The following SLC43A2 variants were observed in gnomAD, a reference collection of about 807,000 sequenced individuals.
The protein encoded by SLC43A2 is large neutral amino acids transporter small subunit 4.
SLC43A2 carries 38 observed loss-of-function variants against 63.2 expected under a neutral mutation model. That is an observed-to-expected ratio of 0.60 (90% CI 0.46 to 0.79). The LOEUF is 0.79. SLC43A2 is among the 30% of genes least tolerant of loss of function. The probability of loss-of-function intolerance (pLI) is 0.00; values close to 1 mark genes in which losing one functional copy is unlikely to be tolerated. For missense variants in SLC43A2, 644 were observed against 756.2 expected (o/e 0.85, Z 1.74); for synonymous variants, 322 against 331.0 (o/e 0.97, Z 0.30).
At position 1,599,998 on chromosome 17, in the gene SLC43A2, T is replaced by C. The variant is rs1466971965; in HGVS notation, c.502-6719A>G. On this transcript the variant is annotated intron_variant, in intron 5 of 13. Transcript: ENST00000301335. ...GGCAGAGCTTGCAGTGAGCTGAGAT[T>C]GCGCCACTGCACTCCAGCCTGGGTG... Among the ~76,000 whole-genome samples, 6 of 145,848 alleles carry C rather than the reference T, an allele frequency of 4.1e-5. No individual in the cohort carries two copies. The South Asian group carries it at 8.8e-4, about 21-fold the overall frequency.
Position 1,605,057 on chromosome 17 carries a change from T to A in SLC43A2, c.501+8138A>T. The A allele has an allele frequency of 7.1e-7, 1 of 1,402,882 alleles. No homozygotes were observed. The highest frequency in any genetic ancestry group is 9.3e-7 in the Non-Finnish European group (1 of 1,078,378). 86.9% of individuals were successfully genotyped at this position (1,402,882 alleles called of 1,614,324 possible). On this transcript the variant is annotated intron_variant, in intron 5 of 13. Transcript: ENST00000301335. This position sits in a 1 kb window ranked among gnomAD's most constrained non-coding sequence, Gnocchi z 4.9. Reference sequence around the variant, plus strand: ...GCTGCCAAGCAGGAAGCCGGAGCTGTTTCCTGACTCACCACCACACTCACA... The same window carrying A: ...GCTGCCAAGCAGGAAGCCGGAGCTGATTCCTGACTCACCACCACACTCACA...
rs186668252 is a variant in SLC43A2 at position 1,606,786 on chromosome 17, C to T, written c.501+6409G>A. ...TGCCCCCATGGAGTGACCTGGCGTC[C>T]GCCCTCCACGGATGGCACGCGATGG... On this transcript the variant is annotated intron_variant, in intron 5 of 13. Coordinates refer to ENST00000301335, the MANE Select transcript of SLC43A2 (RefSeq NM_152346.3). The surrounding 1 kb of genome is among the most constrained non-coding windows in gnomAD (Gnocchi z 4.7). Among the ~76,000 whole-genome samples the T allele has an allele frequency of 4.2e-3, 647 of 152,384 alleles. 4 individuals carry two copies. Among genetic ancestry groups the T allele is most frequent in the African/African-American group, 0.015 (617 of 41,592 alleles).
intron 5 of SLC43A2, among the ~76,000 whole-genome samples, chr17:1,599,074 C>T (rs945839803): frequency 1.3e-5 from 2 of 152,190 alleles, no homozygotes; most frequent in South Asian, 2.1e-4. Flanking sequence ...CTGGGCTGGG[C>T]GCGGTGGCTC....
chr17:1,581,218 ACACG>A (rs796359634), intron 11 of SLC43A2, among the ~76,000 whole-genome samples: 1 of 151,976 alleles, frequency 6.6e-6, no homozygotes, highest in Admixed American at 6.6e-5. Context: ...ACACACACAC[ACACG>A]CACGCTGTGC....
At chr17:1,623,264 C>A (rs1050989283) in intron 2 of SLC43A2, among the ~76,000 whole-genome samples, 13 of 152,198 alleles carry the variant, frequency 8.5e-5, no homozygotes, top group African/African-American at 3.1e-4. Flanking sequence ...TGTGCCAGGG[C>A]GAGCTCGCAG....
intron 3 of SLC43A2, among the ~76,000 whole-genome samples, chr17:1,615,879 T>TAA (rs1567644881): frequency 4.3e-4 from 30 of 69,012 alleles, no homozygotes; most frequent in East Asian, 1.7e-3. Context: ...TAAATAAATA[T>TAA]GAAAAATATA....
At chr17:1,623,089 A>G (rs1271138187) in intron 2 of SLC43A2, among the ~76,000 whole-genome samples, 2 of 152,000 alleles carry the variant, frequency 1.3e-5, no homozygotes, top group East Asian at 3.9e-4. Flanking sequence ...CTGGGCGACA[A>G]GAGTGAAACT....
intron 5 of SLC43A2, among the ~76,000 whole-genome samples, chr17:1,600,135 A>AATATATATATATATATATATATATAT (rs546467041): frequency 7.9e-4 from 38 of 47,890 alleles, no homozygotes; most frequent in East Asian, 2.7e-3. Flanking sequence ...ATATTAATTG[A>AATATATATATATATATATATATATAT]ATATATATAT....
chr17:1,594,103 GC>G (rs1257490193), intron 5 of SLC43A2, among the ~76,000 whole-genome samples: 1 of 152,196 alleles, frequency 6.6e-6, no homozygotes, highest in African/African-American at 2.4e-5. Flanking sequence ...GGGACTACAG[GC>G]GTGAGCCACC....
At chr17:1,608,169 G>A (rs1431272887) in intron 5 of SLC43A2, among the ~76,000 whole-genome samples, 1 of 152,136 alleles carries the variant, frequency 6.6e-6, no homozygotes. Flanking sequence ...CAGTGGTCTG[G>A]ATTTGGCCTG....
chr17:1,575,630 A>G lies in SLC43A2; in HGVS notation c.1684T>C (p.Ser562Pro). The G allele has an allele frequency of 6.2e-7, 1 of 1,614,122 alleles. No individual in the cohort carries two copies. Among genetic ancestry groups the G allele is most frequent in the Non-Finnish European group, 8.5e-7 (1 of 1,179,998 alleles). ...DDKLFLKING[S>P]SNQEAFV is the part of the protein sequence containing the mutation. Reference sequence around the variant, plus strand: ...TACACGAAGGCCTCCTGGTTGGACGAGCCGTTGATTTTGAGGAAGAGTTTG... The same window carrying G: ...TACACGAAGGCCTCCTGGTTGGACGGGCCGTTGATTTTGAGGAAGAGTTTG... Residue 562 changes from serine to proline, a missense_variant, in exon 14 of 14, where the codon TCG becomes CCG. Coordinates refer to ENST00000301335, the MANE Select transcript of SLC43A2 (RefSeq NM_152346.3).
chr17:1,600,031 A>G (rs1358167198), intron 5 of SLC43A2, among the ~76,000 whole-genome samples: 6 of 145,370 alleles, frequency 4.1e-5, no homozygotes, highest in South Asian at 4.4e-4. Context: ...GTGACAGAGC[A>G]AGACTCCGTC....
intron 2 of SLC43A2, among the ~76,000 whole-genome samples, chr17:1,618,426 A>G (rs968067479): frequency 6.6e-6 from 1 of 152,234 alleles, no homozygotes; most frequent in South Asian, 2.1e-4. Context: ...ATGAATAGCT[A>G]CAAGTTGCTG....
rs368311425 is a variant in SLC43A2 at position 1,575,665 on chromosome 17, T to C, written c.1649A>G (p.Gln550Arg). The C allele has an allele frequency of 8.7e-6, 14 of 1,613,896 alleles. No homozygotes were observed. Among genetic ancestry groups the C allele is most frequent in the Non-Finnish European group, 1.2e-5 (14 of 1,180,010 alleles). ...TTTGAGGAAGAGTTTGTCATCCTCC[T>C]GCCTCTGCTGCAGCTGCCGCTCCAG... ...RQLERQLQQR[Q>R]EDDKLFLKIN... The change falls in exon 14 of 14, where the codon CAG becomes CGG. Residue 550 changes from glutamine to arginine, a missense_variant. This residue lies in a region of SLC43A2 where 105 missense variants were observed against 101.7 expected (regional missense o/e 1.03). Coordinates refer to ENST00000301335, the MANE Select transcript of SLC43A2 (RefSeq NM_152346.3).
chr17:1,578,378 G>T lies in SLC43A2; in HGVS notation c.1351-55C>A. The T allele has an allele frequency of 1.9e-6, 3 of 1,551,374 alleles. No individual in the cohort carries two copies. Among genetic ancestry groups the T allele is most frequent in the Non-Finnish European group, 8.8e-7 (1 of 1,134,156 alleles). ...AAGGCCTTAAGGGACCGTCCCCTCA[G>T]CCCCCGCCCTCCAATTCCTGGGGGC... On this transcript the variant is annotated intron_variant, in intron 11 of 13. Transcript: ENST00000301335. The surrounding 1 kb of genome is among the most constrained non-coding windows in gnomAD (Gnocchi z 6.5).
intron 6 of SLC43A2, among the ~76,000 whole-genome samples, chr17:1,592,330 G>C (rs1344613752): frequency 2.0e-5 from 3 of 152,208 alleles, no homozygotes; most frequent in Non-Finnish European, 4.4e-5. Flanking sequence ...GGGAGGCTGA[G>C]GCAGGAGAAT....
At position 1,593,194 on chromosome 17, in the gene SLC43A2, C is replaced by G; in HGVS notation, c.587G>C (p.Gly196Ala). 3 of 1,613,716 alleles carry G rather than the reference C, an allele frequency of 1.9e-6. No homozygotes were observed. Among genetic ancestry groups the G allele is most frequent in the South Asian group, 2.2e-5 (2 of 90,976 alleles). ...SYASSAVTFPGIKLIYDAGVS... is the reference protein window; with the variant it reads ...SYASSAVTFPAIKLIYDAGVS... ...CAAAATACACGTGCTCACCTTGATT[C>G]CTGGAAAGGTGACTGCCGAGGAGGC... Residue 196 changes from glycine (G) to alanine (A), a missense_variant, in exon 6 of 14, where the codon GGA becomes GCA. This residue lies in a region of SLC43A2 where 528 missense variants were observed against 623.6 expected (regional missense o/e 0.85). Transcript: ENST00000301335. The surrounding 1 kb of genome is among the most constrained non-coding windows in gnomAD (Gnocchi z 5.3).
rs1315027499 is a variant in SLC43A2 at position 1,583,988 on chromosome 17, T to G, written c.1218-652A>C. Among the ~76,000 whole-genome samples, 1 of 150,802 alleles carries G rather than the reference T, an allele frequency of 6.6e-6. No individual in the cohort carries two copies. Among genetic ancestry groups the G allele is most frequent in the African/African-American group, 2.4e-5 (1 of 40,942 alleles). ...TCGGCTCATTGCCACCTCTGCCTCC[T>G]GGGTTCAAGCGATTCTCCTGCCTCA... On this transcript the variant is annotated intron_variant, in intron 10 of 13. Coordinates refer to ENST00000301335, the MANE Select transcript of SLC43A2 (RefSeq NM_152346.3). This position sits in a 1 kb window ranked among gnomAD's most constrained non-coding sequence, Gnocchi z 5.5.
At chr17:1,585,448 A>G in intron 10 of SLC43A2, 1 of 347,228 alleles carries the variant, frequency 2.9e-6, no homozygotes. Context: ...GTTTTACCAC[A>G]TTGGCCAGGC....
Sources: allele counts gnomAD v4.1 joint callset (sites outside exome capture counted in the v4.1 genomes callset), GRCh38; gene constraint gnomAD v4.1.1; regional missense constraint gnomAD v4.1.1; non-coding constraint Gnocchi (gnomAD v3.1); transcripts MANE v1.5; gene names NCBI Gene and HGNC (gene_info 2026-07-23, HGNC 2026-07-21).